The following SUMF1 variants were observed in gnomAD, a reference collection of about 807,000 sequenced individuals.
SUMF1 encodes the protein formylglycine-generating enzyme.
A neutral mutation model predicts 47.6 loss-of-function variants in SUMF1; 48 were observed. The observed-to-expected ratio is 1.01, with a 90% CI of 0.80 to 1.28. The LOEUF is 1.28. SUMF1 is among the 50% of genes most tolerant of loss of function. The pLI is 0.00. For missense variants in SUMF1, 571 were observed against 485.4 expected (o/e 1.18, Z -1.66); for synonymous variants, 230 against 192.1 (o/e 1.20, Z -1.63).
At chr3:4,094,992 T>C (rs1692871180) in intron 8 of SUMF1, among the ~76,000 whole-genome samples, 1 of 152,056 alleles carries the variant, frequency 6.6e-6, no homozygotes, top group Non-Finnish European at 1.5e-5. Context: ...TTATGATCAA[T>C]TGGTAGTGAT....
At chr3:4,154,415 T>A (rs1694406846) in intron 8 of SUMF1, among the ~76,000 whole-genome samples, 1 of 151,614 alleles carries the variant, frequency 6.6e-6, no homozygotes, top group African/African-American at 2.4e-5. Context: ...CCAGCATGAA[T>A]AATAAGATAG....
At chr3:4,345,277 C>A (rs1444307020) in intron 8 of SUMF1, among the ~76,000 whole-genome samples, 1 of 152,120 alleles carries the variant, frequency 6.6e-6, no homozygotes, top group Non-Finnish European at 1.5e-5. Flanking sequence ...TTAAGGGCAG[C>A]CAGACAGAAA....
At chr3:4,264,842 T>C (rs1240332361) in intron 8 of SUMF1, among the ~76,000 whole-genome samples, 1 of 152,098 alleles carries the variant, frequency 6.6e-6, no homozygotes, top group East Asian at 1.9e-4. Flanking sequence ...GTTAAGAACA[T>C]TTTGGACACA....
intron 8 of SUMF1, among the ~76,000 whole-genome samples, chr3:4,287,855 A>G (rs1037599058): frequency 1.3e-5 from 2 of 152,248 alleles, no homozygotes; most frequent in Non-Finnish European, 2.9e-5. Context: ...TCAACCAAGC[A>G]AAGCTTAAAG....
chr3:4,368,419 G>C (rs535747548), intron 8 of SUMF1, among the ~76,000 whole-genome samples: 4 of 152,332 alleles, frequency 2.6e-5, no homozygotes, highest in African/African-American at 9.6e-5. Context: ...CATTGTGGAA[G>C]TCAGTGTGGC....
chr3:4,297,151 T>TA (rs1697869244), intron 8 of SUMF1, among the ~76,000 whole-genome samples: 1 of 152,166 alleles, frequency 6.6e-6, no homozygotes, highest in South Asian at 2.1e-4. Context: ...ACCTGTAAGC[T>TA]AAAAACTTGG....
intron 8 of SUMF1, among the ~76,000 whole-genome samples, chr3:4,076,800 C>T (rs929068504): frequency 6.6e-6 from 1 of 152,060 alleles, no homozygotes; most frequent in African/African-American, 2.4e-5. Flanking sequence ...GAGATCCAGA[C>T]CATCCTGGCT....
chr3:4,146,512 T>C (rs1694196506), intron 8 of SUMF1, among the ~76,000 whole-genome samples: 2 of 152,056 alleles, frequency 1.3e-5, no homozygotes, highest in Middle Eastern at 3.4e-3. Flanking sequence ...TAGTTATAGA[T>C]AGCACCAAGA....
chr3:4,211,103 C>CATAT (rs3046240), intron 8 of SUMF1, among the ~76,000 whole-genome samples: 1,630 of 91,396 alleles, frequency 0.018, 120 homozygotes, highest in African/African-American at 0.069. Flanking sequence ...AATAAACTCC[C>CATAT]ATATATATAT....
At chr3:4,223,654 C>G (rs313686) in intron 8 of SUMF1, among the ~76,000 whole-genome samples, 4,430 of 151,976 alleles carry the variant, frequency 0.029, 199 homozygotes, top group African/African-American at 0.1. Context: ...CCTGAATTTT[C>G]TTCTATACTC....
chr3:4,456,771 CACATATATACGTGTGT>C (rs1559312552), intron 1 of SUMF1, among the ~76,000 whole-genome samples: 8 of 7,408 alleles, frequency 1.1e-3, no homozygotes, highest in East Asian at 2.2e-3. Context: ...TGTATATATA[CACATATATACGTGTGT>C]GTGTATATAT....
chr3:4,199,490 GGA>G (rs1297130981), intron 8 of SUMF1, among the ~76,000 whole-genome samples: 1 of 152,060 alleles, frequency 6.6e-6, no homozygotes, highest in Non-Finnish European at 1.5e-5. Context: ...CAAATACATA[GGA>G]GAGAAATTTC....
intron 8 of SUMF1, among the ~76,000 whole-genome samples, chr3:4,208,276 T>G (rs1374228534): frequency 6.6e-6 from 1 of 151,928 alleles, no homozygotes; most frequent in Non-Finnish European, 1.5e-5. Context: ...AGGAGAGGAC[T>G]AAGAAGTATT....
At chr3:4,213,890 G>A (rs2125166379) in intron 8 of SUMF1, among the ~76,000 whole-genome samples, 1 of 152,240 alleles carries the variant, frequency 6.6e-6, no homozygotes, top group Non-Finnish European at 1.5e-5. Flanking sequence ...CCCAATACAG[G>A]AGGATCCAGA....
chr3:4,077,396 G>A (rs1370905105), intron 8 of SUMF1, among the ~76,000 whole-genome samples: 1 of 151,998 alleles, frequency 6.6e-6, no homozygotes, highest in East Asian at 1.9e-4. Context: ...GAAAAGACTT[G>A]GAACCAACCC....
At chr3:4,317,837 A>G (rs949084418) in intron 8 of SUMF1, among the ~76,000 whole-genome samples, 2 of 152,208 alleles carry the variant, frequency 1.3e-5, no homozygotes, top group African/African-American at 4.8e-5. Flanking sequence ...GCCTGAGTAT[A>G]TAGAAAGTAT....
At chr3:4,036,866 A>T (rs2200390) in intron 9 of SUMF1, among the ~76,000 whole-genome samples, 16,411 of 148,726 alleles carry the variant, frequency 0.11, 1,982 homozygotes, top group East Asian at 0.61. Context: ...AAAAAAAAAA[A>T]AAAAAAAGAG....
At chr3:4,389,859 AT>A (rs1489917780) in intron 7 of SUMF1, among the ~76,000 whole-genome samples, 1 of 151,868 alleles carries the variant, frequency 6.6e-6, no homozygotes, top group African/African-American at 2.4e-5. Context: ...CAATTTTTTC[AT>A]TTGTTTCAAG....
chr3:4,045,824 A>T lies in SUMF1; in HGVS notation c.1191+22745T>A, dbSNP rs74600575. On this transcript the variant is annotated intron_variant and NMD_transcript_variant, in intron 9 of 12. Coordinates refer to the SUMF1 transcript ENST00000448413. ...TGAGACAGAGTCTGCAGGGATAGGT[A>T]TCAGAAGTCAAGTCTAAAGTATATG... Among the ~76,000 whole-genome samples, 400 of 152,274 alleles carry T rather than the reference A, an allele frequency of 2.6e-3. 14 individuals carry two copies. The highest frequency in any genetic ancestry group is 0.023 in the Admixed American group (357 of 15,298).
Sources: allele counts gnomAD v4.1 joint callset (sites outside exome capture counted in the v4.1 genomes callset), GRCh38; gene constraint gnomAD v4.1.1; transcripts MANE v1.5; gene names NCBI Gene and HGNC (gene_info 2026-07-23, HGNC 2026-07-21).